Variants in LINGO2 observed in about 807,000 individuals in gnomAD.
LINGO2 encodes the protein leucine rich repeat and Ig domain containing 2.
A neutral mutation model predicts 30.6 loss-of-function variants in LINGO2; 14 were observed. That is an observed-to-expected ratio of 0.46 (90% CI 0.30 to 0.72). LINGO2 has a LOEUF of 0.72. Among genes scored for constraint, LINGO2 ranks in the 30% least tolerant of loss-of-function variants. The probability of loss-of-function intolerance (pLI) is 0.07; values close to 1 mark genes in which losing one functional copy is unlikely to be tolerated. For synonymous variants in LINGO2, 317 were observed against 288.5 expected (o/e 1.10, Z -1.00); for missense variants, 729 against 751.7 (o/e 0.97, Z 0.35).
At chr9:28,191,250 A>G (rs866371883) in intron 4 of LINGO2, among the ~76,000 whole-genome samples, 1 of 152,244 alleles carries the variant, frequency 6.6e-6, no homozygotes, top group African/African-American at 2.4e-5. Context: ...ACAGCGGTGA[A>G]GACTTCTACT....
the LINGO2 span, among the ~76,000 whole-genome samples, chr9:29,191,858 C>T: frequency 2.6e-5 from 4 of 151,796 alleles, no homozygotes; most frequent in South Asian, 2.1e-4. Flanking sequence ...ACGCTGTAAA[C>T]GTTTTTTCTT....
intron 2 of LINGO2, among the ~76,000 whole-genome samples, chr9:28,403,500 G>T (rs1474816191): frequency 6.6e-6 from 1 of 152,122 alleles, no homozygotes; most frequent in African/African-American, 2.4e-5. Flanking sequence ...CACCTGTCCT[G>T]CCAGGATTCT....
intron 5 of LINGO2, among the ~76,000 whole-genome samples, chr9:27,994,308 T>C (rs1009863507): frequency 1.3e-5 from 2 of 151,406 alleles, no homozygotes; most frequent in Admixed American, 1.3e-4. Context: ...AAAGCAGAAA[T>C]AAATCAAATT....
At chr9:28,542,847 G>A (rs1479648997) in intron 1 of LINGO2, among the ~76,000 whole-genome samples, 1 of 151,976 alleles carries the variant, frequency 6.6e-6, no homozygotes, top group Non-Finnish European at 1.5e-5. Flanking sequence ...AACCACACTT[G>A]GAGAACAACA....
chr9:27,970,689 G>A (rs560354993), intron 5 of LINGO2, among the ~76,000 whole-genome samples: 1 of 152,172 alleles, frequency 6.6e-6, no homozygotes, highest in South Asian at 2.1e-4. Flanking sequence ...TCTCCATTGT[G>A]AGAACTTGGA....
At chr9:29,174,882 G>A in the LINGO2 span, among the ~76,000 whole-genome samples, 1 of 152,194 alleles carries the variant, frequency 6.6e-6, no homozygotes, top group African/African-American at 2.4e-5. Context: ...ATCTAAAACA[G>A]TTCAGTGTAG....
the LINGO2 span, among the ~76,000 whole-genome samples, chr9:28,931,978 C>T: frequency 6.6e-6 from 1 of 151,416 alleles, no homozygotes; most frequent in Admixed American, 6.6e-5. Flanking sequence ...TGTGGTGGCA[C>T]GCACCTGTAG....
At chr9:28,094,528 T>TGTGA (rs1167214113) in intron 4 of LINGO2, among the ~76,000 whole-genome samples, 42 of 150,408 alleles carry the variant, frequency 2.8e-4, no homozygotes, top group Non-Finnish European at 2.2e-4. Context: ...TGTGTGTGTG[T>TGTGA]GAGAGAGAGA....
chr9:28,483,970 G>A (rs1018618901), intron 1 of LINGO2, among the ~76,000 whole-genome samples: 5 of 152,006 alleles, frequency 3.3e-5, no homozygotes, highest in Admixed American at 2.6e-4. Flanking sequence ...TCAGATTATG[G>A]TAACTTAAGT....
At chr9:28,975,318 A>C in the LINGO2 span, among the ~76,000 whole-genome samples, 2 of 152,224 alleles carry the variant, frequency 1.3e-5, no homozygotes, top group African/African-American at 2.4e-5. Context: ...AACTTAATCT[A>C]TATTTTAAGG....
chr9:29,074,956 G>A, the LINGO2 span, among the ~76,000 whole-genome samples: 9 of 151,940 alleles, frequency 5.9e-5, no homozygotes, highest in South Asian at 2.1e-4. Context: ...GATTACAGGC[G>A]TGAGCCACCG....
chr9:28,584,075 GA>G (rs1419035214), intron 1 of LINGO2, among the ~76,000 whole-genome samples: 1 of 151,964 alleles, frequency 6.6e-6, no homozygotes, highest in African/African-American at 2.4e-5. Flanking sequence ...CCAGTCTCCA[GA>G]ACCATGAGTC....
chr9:28,606,523 C>G (rs924930809), intron 1 of LINGO2, among the ~76,000 whole-genome samples: 69 of 152,066 alleles, frequency 4.5e-4, no homozygotes, highest in African/African-American at 1.7e-3. Context: ...CCAAGTGGGT[C>G]ATTTAAGGAT....
chr9:28,794,436 C>T, the LINGO2 span, among the ~76,000 whole-genome samples: 1 of 152,196 alleles, frequency 6.6e-6, no homozygotes, highest in Non-Finnish European at 1.5e-5. Flanking sequence ...GTTTGTTCAT[C>T]TGCAGATCAA....
chr9:28,358,991 G>A (rs1414574254), intron 3 of LINGO2, among the ~76,000 whole-genome samples: 2 of 152,090 alleles, frequency 1.3e-5, no homozygotes, highest in African/African-American at 4.8e-5. Context: ...ATTCCAGATT[G>A]TTTTGAGACA....
chr9:28,842,327 C>T, the LINGO2 span, among the ~76,000 whole-genome samples: 1,008 of 151,878 alleles, frequency 6.6e-3, 31 homozygotes, highest in African/African-American at 0.023. Flanking sequence ...AACTGAGGCT[C>T]AGAAATGTAA....
intron 1 of LINGO2, among the ~76,000 whole-genome samples, chr9:28,585,462 G>A (rs1292775160): frequency 6.6e-6 from 1 of 151,904 alleles, no homozygotes; most frequent in Non-Finnish European, 1.5e-5. Flanking sequence ...ATTTTTTGAA[G>A]TTATAATGGT....
chr9:28,797,373 G>GAC, the LINGO2 span, among the ~76,000 whole-genome samples: 2 of 141,144 alleles, frequency 1.4e-5, no homozygotes, highest in African/African-American at 5.2e-5. Context: ...GAGAGAGAGA[G>GAC]AGAGAGAGAG....
At chr9:28,509,089 T>G (rs2135352592) in intron 1 of LINGO2, among the ~76,000 whole-genome samples, 1 of 152,316 alleles carries the variant, frequency 6.6e-6, no homozygotes, top group South Asian at 2.1e-4. Context: ...TCTGCTATGG[T>G]CTAAATCAGC....
Sources: allele counts gnomAD v4.1 joint callset (sites outside exome capture counted in the v4.1 genomes callset), GRCh38; gene constraint gnomAD v4.1.1; transcripts MANE v1.5; gene names NCBI Gene and HGNC (gene_info 2026-07-23, HGNC 2026-07-21).